Variants in DNMBP observed in about 807,000 individuals in gnomAD.
DNMBP encodes the protein dynamin-binding protein.
A neutral mutation model predicts 150.0 loss-of-function variants in DNMBP; 87 were observed. That is an observed-to-expected ratio of 0.58 (90% CI 0.49 to 0.69). The LOEUF is 0.69. Ranked by LOEUF, DNMBP falls within the 30% of genes least tolerant of loss-of-function variation. The pLI, the probability that DNMBP is intolerant of heterozygous loss-of-function variation, is 0.00. For synonymous variants in DNMBP, 711 were observed against 750.4 expected (o/e 0.95, Z 0.86); for missense variants, 1,774 against 1,949.0 (o/e 0.91, Z 1.69).
chr10:99,920,771 T>C (rs554928203), intron 4 of DNMBP, among the ~76,000 whole-genome samples: 22 of 152,010 alleles, frequency 1.4e-4, no homozygotes, highest in Non-Finnish European at 2.6e-4. Flanking sequence ...AAGCTCACTG[T>C]AGCCTCAACC....
chr10:99,886,649 G>T lies in DNMBP; in HGVS notation c.3286-17C>A. Reference sequence around the variant, plus strand: ...CCTCTCCTTCTGTAGGGACGAGAAAGGCACATTGCTCAGCTGGACAGCATC... The same window carrying T: ...CCTCTCCTTCTGTAGGGACGAGAAATGCACATTGCTCAGCTGGACAGCATC... On this transcript the variant is annotated splice_polypyrimidine_tract_variant and intron_variant, in intron 12 of 16. Transcript: ENST00000324109. The T allele has an allele frequency of 6.2e-7, 1 of 1,601,584 alleles. No homozygotes were observed.
chr10:99,946,145 A>G (rs2133313151), intron 4 of DNMBP, among the ~76,000 whole-genome samples: 1 of 152,274 alleles, frequency 6.6e-6, no homozygotes, highest in South Asian at 2.1e-4. Context: ...TTTAGTAGAG[A>G]CAGGGTTTCA....
chr10:99,998,006 T>C lies in DNMBP; in HGVS notation c.-11+11832A>G, dbSNP rs949359309. Among the ~76,000 whole-genome samples, 38 of 131,424 alleles carry C rather than the reference T, an allele frequency of 2.9e-4. 1 individual carries two copies. Among genetic ancestry groups the C allele is most frequent in the Admixed American group, 1.4e-3 (17 of 12,468 alleles). 86.2% of individuals were successfully genotyped at this position (131,424 alleles called of 152,430 possible). A position where few individuals can be genotyped will look rare whatever the true frequency, so the allele number is the denominator to read the frequency against. On this transcript the variant is annotated intron_variant, in intron 1 of 16. Coordinates refer to ENST00000324109, the MANE Select transcript of DNMBP (RefSeq NM_015221.4). ...TCCCCAGCACTTTGGGAGGCCAAGG[T>C]GGGCAGATCACAAGGTCAGGAGATC... is the stretch of plus-strand genomic sequence containing the variant.
chr10:99,959,442 T>G (rs2040537136), intron 3 of DNMBP, among the ~76,000 whole-genome samples: 1 of 152,032 alleles, frequency 6.6e-6, no homozygotes, highest in Admixed American at 6.6e-5. Context: ...GCCATGGCTG[T>G]GCTACTTGCA....
At chr10:99,882,839 A>T (rs2039390602) in intron 15 of DNMBP, among the ~76,000 whole-genome samples, 2 of 151,962 alleles carry the variant, frequency 1.3e-5, no homozygotes, top group Non-Finnish European at 1.5e-5. Context: ...TCAAGGCGGG[A>T]TGGAACACCT....
Position 99,899,937 on chromosome 10 carries a change from T to C in DNMBP, c.2684A>G (p.Asp895Gly). Residue 895 changes from aspartate (D) to glycine (G), a missense_variant, in exon 7 of 17, where the codon GAC (aspartate) becomes GGC (glycine). This residue lies in a region of DNMBP where 1,430 missense variants were observed against 1,492.5 expected (regional missense o/e 0.96). Transcript: ENST00000324109. ...CTCCTACTTCAGATCTGCCAAGGAG[T>C]CCTGAAGATGCTTCTGGATCTTCTC... The part of the protein sequence containing the change: ...KDEKIQKHLQ[D>G]SLADLKSLYN... 1 of 1,613,910 alleles carries C rather than the reference T, an allele frequency of 6.2e-7. No individual in the cohort carries two copies. The highest frequency in any genetic ancestry group is 1.7e-5 in the Admixed American group (1 of 59,986).
At chr10:99,917,730 C>T (rs1312136127) in intron 4 of DNMBP, among the ~76,000 whole-genome samples, 2 of 151,912 alleles carry the variant, frequency 1.3e-5, no homozygotes, top group Non-Finnish European at 1.5e-5. Context: ...CTTTGGGAGG[C>T]CGAGGCGGGT....
At chr10:99,917,996 G>GA (rs2039984851) in intron 4 of DNMBP, among the ~76,000 whole-genome samples, 3 of 135,112 alleles carry the variant, frequency 2.2e-5, no homozygotes, top group Non-Finnish European at 4.8e-5. Flanking sequence ...AAAAAGAAAA[G>GA]AAAGGAAAAC....
At chr10:99,960,815 C>A (rs1294716060) in intron 3 of DNMBP, among the ~76,000 whole-genome samples, 1 of 151,778 alleles carries the variant, frequency 6.6e-6, no homozygotes, top group Non-Finnish European at 1.5e-5. Flanking sequence ...TCAACAACAA[C>A]AAAAAATTTA....
At chr10:99,984,554 A>C (rs1437662407) in intron 1 of DNMBP, among the ~76,000 whole-genome samples, 1 of 152,236 alleles carries the variant, frequency 6.6e-6, no homozygotes, top group Non-Finnish European at 1.5e-5. Flanking sequence ...CGCAGTTTTT[A>C]AGACAGTTTC....
chr10:99,966,364 C>G (rs2040619506), intron 3 of DNMBP, among the ~76,000 whole-genome samples: 1 of 152,180 alleles, frequency 6.6e-6, no homozygotes, highest in Non-Finnish European at 1.5e-5. Context: ...CATCTTTAAG[C>G]TTATTAGGCT....
chr10:99,955,657 T>C lies in DNMBP; in HGVS notation c.1817A>G (p.Lys606Arg), dbSNP rs767973314. ...ITEQELPERR[K>R]ALRPPPPRPC... ...ACGAGGTGGCGGTGGCCTTAGGGCC[T>C]TTCTCCTTTCCGGCAGCTCCTGCTC... The change falls in exon 4 of 17, where the codon AAG (lysine) becomes AGG (arginine). Residue 606 changes from lysine to arginine, a missense_variant. Coordinates refer to ENST00000324109, the MANE Select transcript of DNMBP (RefSeq NM_015221.4). 7.4e-6 allele frequency: 12 copies of C among 1,614,084 alleles called. No homozygotes were observed. The African/African-American group carries it at 1.5e-4, about 20-fold the overall frequency.
intron 1 of DNMBP, among the ~76,000 whole-genome samples, chr10:99,977,457 C>T (rs917158925): frequency 3.9e-5 from 6 of 152,116 alleles, no homozygotes; most frequent in Admixed American, 3.9e-4. Flanking sequence ...GAGAGAACAC[C>T]GAGGAAATTA....
chr10:99,987,628 G>C (rs1265191880), intron 1 of DNMBP, among the ~76,000 whole-genome samples: 1 of 152,054 alleles, frequency 6.6e-6, no homozygotes, highest in Non-Finnish European at 1.5e-5. Context: ...CAGCTACTTG[G>C]GAGCTGAGGC....
At chr10:99,969,060 G>A (rs1481482405) in intron 3 of DNMBP, 55 bp downstream of exon 3, 14 of 1,602,450 alleles carry the variant, frequency 8.7e-6, no homozygotes, top group African/African-American at 8.0e-5. Context: ...TTGTCGAAAC[G>A]GGCAGACTCC....
chr10:99,888,785 C>G, intron 12 of DNMBP, 40 bp downstream of exon 12: 1 of 1,611,636 alleles, frequency 6.2e-7, no homozygotes. Flanking sequence ...TTGAGATGAC[C>G]CTGGGAAGGG....
chr10:99,929,518 T>C, intron 4 of DNMBP: 1 of 600,470 alleles, frequency 1.7e-6, no homozygotes, highest in South Asian at 2.1e-5. Flanking sequence ...CCCGGGCTCC[T>C]TAAGAACACA....
At chr10:99,930,719 C>T in intron 4 of DNMBP, 1 of 689,610 alleles carries the variant, frequency 1.5e-6, no homozygotes, top group South Asian at 1.6e-5. Flanking sequence ...AGTGCCTTTT[C>T]TCCTCCACTT....
chr10:99,888,691 A>G (rs1280358290), intron 12 of DNMBP, 134 bp downstream of exon 12: 2 of 1,018,650 alleles, frequency 2.0e-6, no homozygotes, highest in African/African-American at 1.6e-5. Flanking sequence ...ATCAAACCCC[A>G]ATATGAATAT....
Sources: gnomAD v4.1 joint callset for allele counts (sites outside exome capture counted in the v4.1 genomes callset) on GRCh38, gnomAD v4.1.1 for gene constraint, gnomAD v4.1.1 regional missense constraint, MANE v1.5 for transcripts, NCBI Gene and HGNC (gene_info 2026-07-23, HGNC 2026-07-21) for gene names.